The following BMPR1B variants were observed in gnomAD, a reference collection of about 807,000 sequenced individuals.
BMPR1B encodes the protein bone morphogenetic protein receptor type 1B.
In BMPR1B, 12 loss-of-function variants were observed where a neutral mutation model predicts 59.1. That is an observed-to-expected ratio of 0.20 (90% confidence interval 0.13 to 0.33). BMPR1B has a LOEUF of 0.33. BMPR1B is among the 10% of genes least tolerant of loss of function. The pLI, the probability that BMPR1B is intolerant of heterozygous loss-of-function variation, is 1.00. For missense variants in BMPR1B, 550 were observed against 610.9 expected, an observed-to-expected ratio of 0.90 and a Z score of 1.05; for synonymous variants, 237 against 207.3, an observed-to-expected ratio of 1.14 and a Z score of -1.23.
chr4:95,102,480 T>A (rs1267495573), intron 3 of BMPR1B, among the ~76,000 whole-genome samples: 1 of 152,190 alleles, frequency 6.6e-6, no homozygotes, highest in African/African-American at 2.4e-5. Flanking sequence ...AAATAAAGGG[T>A]CTGGTATGAA....
At chr4:95,061,210 C>CA (rs1242880406) in intron 3 of BMPR1B, among the ~76,000 whole-genome samples, 2,467 of 132,098 alleles carry the variant, frequency 0.019, 37 homozygotes, top group Non-Finnish European at 0.031. Context: ...CACACACACA[C>CA]CACACACCCC....
chr4:95,001,910 A>G (rs1722478184), intron 3 of BMPR1B, among the ~76,000 whole-genome samples: 3 of 152,130 alleles, frequency 2.0e-5, no homozygotes, highest in Admixed American at 2.0e-4. Context: ...ATTCTTATTA[A>G]TATTAAGGTC....
intron 3 of BMPR1B, among the ~76,000 whole-genome samples, chr4:95,054,703 G>A (rs1279204084): frequency 6.6e-6 from 1 of 152,094 alleles, no homozygotes; most frequent in African/African-American, 2.4e-5. Context: ...TGCATAAACA[G>A]TATTAAAACA....
intron 4 of BMPR1B, among the ~76,000 whole-genome samples, chr4:95,108,223 T>A (rs1326284149): frequency 6.6e-6 from 1 of 152,114 alleles, no homozygotes; most frequent in East Asian, 1.9e-4. Context: ...CCTTCCCAGA[T>A]CAGTAGCAAG....
At chr4:94,830,445 A>G (rs1724538255) in intron 1 of BMPR1B, among the ~76,000 whole-genome samples, 2 of 152,160 alleles carry the variant, frequency 1.3e-5, no homozygotes, top group Admixed American at 1.3e-4. Flanking sequence ...ATATTTTTGA[A>G]TCACTGGTTT....
At chr4:95,043,145 G>A (rs935514235) in intron 3 of BMPR1B, among the ~76,000 whole-genome samples, 1 of 118,294 alleles carries the variant, frequency 8.5e-6, no homozygotes, top group Non-Finnish European at 1.6e-5. Flanking sequence ...ACTGCAGTCC[G>A]CAGTCCGGCC....
intron 3 of BMPR1B, among the ~76,000 whole-genome samples, chr4:95,006,362 G>A (rs754923604): frequency 1.4e-5 from 2 of 142,134 alleles, no homozygotes; most frequent in Non-Finnish European, 3.1e-5. Flanking sequence ...GGGCAACAGG[G>A]CGAGACTCCA....
In BMPR1B at chr4:94,984,707, G is replaced by T. The variant is rs1721296734; in HGVS notation, c.-112-11333G>T. ...AATTGGTGTTCAGGACAGAAATTCT[G>T]TTCAGGTTCCCAAAGTCCTTGTGAA... On this transcript the variant is annotated intron_variant, in intron 2 of 12. Transcript: ENST00000515059. 2.6e-5 allele frequency among the ~76,000 whole-genome samples: 4 copies of T among 152,114 alleles called. No individual in the cohort carries two copies. The South Asian group carries it at 8.3e-4, about 32-fold the overall frequency.
At chr4:94,761,677 TC>T (rs1721779558) in intron 1 of BMPR1B, among the ~76,000 whole-genome samples, 2 of 152,198 alleles carry the variant, frequency 1.3e-5, no homozygotes, top group Admixed American at 6.5e-5. Flanking sequence ...CAGTCCCTCT[TC>T]CAGTTCTTGA....
At chr4:94,863,111 G>A (rs2522531) in intron 1 of BMPR1B, among the ~76,000 whole-genome samples, 3,375 of 151,952 alleles carry the variant, frequency 0.022, 56 homozygotes, top group South Asian at 0.065. Flanking sequence ...AGTGAGACTC[G>A]TCTCAAAAAA....
At chr4:94,939,866 T>C (rs373648001) in intron 2 of BMPR1B, among the ~76,000 whole-genome samples, 1 of 152,222 alleles carries the variant, frequency 6.6e-6, no homozygotes, top group Admixed American at 6.5e-5. Context: ...TTTGCCAAAA[T>C]TGAAGGAAGT....
chr4:94,769,854 C>T (rs1385245327), intron 1 of BMPR1B, among the ~76,000 whole-genome samples: 1 of 152,126 alleles, frequency 6.6e-6, no homozygotes, highest in East Asian at 1.9e-4. Flanking sequence ...CTTAGTTATC[C>T]TCAGTCTAAA....
intron 1 of BMPR1B, among the ~76,000 whole-genome samples, chr4:94,771,683 G>C (rs1722190652): frequency 6.6e-6 from 1 of 152,126 alleles, no homozygotes; most frequent in South Asian, 2.1e-4. Context: ...TATACAGAGA[G>C]TACTGGCAGT....
intron 2 of BMPR1B, among the ~76,000 whole-genome samples, chr4:94,980,840 T>G (rs907554114): frequency 7.9e-5 from 12 of 152,064 alleles, no homozygotes; most frequent in African/African-American, 2.7e-4. Flanking sequence ...TGAGAATACT[T>G]GGGTATTAGC....
At chr4:94,843,826 A>C (rs781625364) in intron 1 of BMPR1B, among the ~76,000 whole-genome samples, 1 of 152,080 alleles carries the variant, frequency 6.6e-6, no homozygotes, top group African/African-American at 2.4e-5. Flanking sequence ...TGCCTCCTTG[A>C]TTTTGGGTAC....
intron 1 of BMPR1B, among the ~76,000 whole-genome samples, chr4:94,793,757 T>C (rs1723073387): frequency 6.7e-6 from 1 of 148,248 alleles, no homozygotes; most frequent in South Asian, 2.2e-4. Context: ...TTTGCATTTC[T>C]CTGATGGCCA....
At chr4:95,065,981 CTT>C (rs1727770920) in intron 3 of BMPR1B, among the ~76,000 whole-genome samples, 1 of 152,126 alleles carries the variant, frequency 6.6e-6, no homozygotes, top group Non-Finnish European at 1.5e-5. Context: ...TTGCTAAAAA[CTT>C]AGCGCAGTAG....
chr4:95,072,506 A>G (rs1728385255), intron 3 of BMPR1B, among the ~76,000 whole-genome samples: 1 of 152,196 alleles, frequency 6.6e-6, no homozygotes, highest in Admixed American at 6.5e-5. Context: ...AGTGGAAGAC[A>G]AGTGTCAGGT....
chr4:94,765,003 G>A (rs1721916469), intron 1 of BMPR1B, among the ~76,000 whole-genome samples: 1 of 152,114 alleles, frequency 6.6e-6, no homozygotes. Context: ...GAGAGTAACG[G>A]GGGGACTATC....
Sources: allele counts gnomAD v4.1 joint callset (sites outside exome capture counted in the v4.1 genomes callset), GRCh38; gene constraint gnomAD v4.1.1; transcripts MANE v1.5; gene names NCBI Gene and HGNC (gene_info 2026-07-23, HGNC 2026-07-21).